TFEB: variants seen among roughly 807,000 people sequenced by gnomAD.
The protein encoded by TFEB is T-cell transcription factor EB.
In TFEB, 12 loss-of-function variants were observed where a neutral mutation model predicts 48.0. The ratio of observed to expected loss-of-function variants is 0.25; its 90% confidence interval spans 0.16 to 0.40. The LOEUF is 0.40. TFEB is among the 10% of genes least tolerant of loss of function. The probability of loss-of-function intolerance (pLI) is 1.00; values close to 1 mark genes in which losing one functional copy is unlikely to be tolerated. For missense variants in TFEB, 509 were observed against 640.3 expected (o/e 0.79, Z 2.21); for synonymous variants, 244 against 261.4 (o/e 0.93, Z 0.64).
At position 41,690,776 on chromosome 6, in the gene TFEB, G is replaced by C; in HGVS notation, c.355C>G (p.Pro119Ala). The change falls in exon 3 of 9, where the codon CCA becomes GCA. Residue 119 changes from proline to alanine, a missense_variant. Coordinates refer to ENST00000373033, the MANE Select transcript of TFEB (RefSeq NM_001271944.2). ...GCTCGCACCCCTGGGGAGGCGGCTG[G>C]TGGGGGTTTCGGAGAGCCCTGGGCT... ...SPAQGSPKPP[P>A]AASPGVRAGH... 6.2e-7 allele frequency: 1 copy of C among 1,611,626 alleles called. No homozygotes were observed. Among genetic ancestry groups the C allele is most frequent in the South Asian group, 1.1e-5 (1 of 90,934 alleles).
chr6:41,687,836 G>A (rs369646518), intron 5 of TFEB, 27 bp from the exon 6 acceptor site: 28 of 1,612,172 alleles, frequency 1.7e-5, no homozygotes, highest in Non-Finnish European at 2.2e-5. Context: ...AAGGAGAGAG[G>A]AGCTGGGAGG....
At chr6:41,714,472 A>C (rs1337877261) in intron 1 of TFEB, among the ~76,000 whole-genome samples, 1 of 152,220 alleles carries the variant, frequency 6.6e-6, no homozygotes, top group East Asian at 1.9e-4. Flanking sequence ...GATGGGGAAG[A>C]GGGAGCAGGG....
intron 4 of TFEB, 52 bp from the exon 5 acceptor site, chr6:41,688,080 A>G: frequency 1.3e-6 from 2 of 1,572,268 alleles, no homozygotes; most frequent in Non-Finnish European, 1.7e-6. Context: ...CTCCACGGGG[A>G]GCCCCCTCTA....
At position 41,697,408 on chromosome 6, in the gene TFEB, C is replaced by CAAAAAAAAAAAAAAAAAAAAAAAA. The variant is rs56059829; in HGVS notation, c.-22-6174_-22-6173insTTTTTTTTTTTTTTTTTTTTTTTT. On this transcript the variant is annotated intron_variant, in intron 1 of 8. Coordinates refer to ENST00000373033, the MANE Select transcript of TFEB (RefSeq NM_001271944.2). ...GGGCAACAAGAGTGAAACTCCATCT[C>CAAAAAAAAAAAAAAAAAAAAAAAA]AAAAAAAAAAAAAAAAAAAGAATGA... Among the ~76,000 whole-genome samples the CAAAAAAAAAAAAAAAAAAAAAAAA allele has an allele frequency of 2.5e-4, 16 of 63,496 alleles. 1 individual carries two copies. Among genetic ancestry groups the CAAAAAAAAAAAAAAAAAAAAAAAA allele is most frequent in the African/African-American group, 1.2e-3 (14 of 11,530 alleles). The allele number at this position is 63,496 out of a possible 152,430, so 41.7% of individuals were successfully genotyped here.
rs928016379 is a variant in TFEB, at chr6:41,697,508, C to CA, written c.-22-6274_-22-6273insT. 1.3e-3 allele frequency among the ~76,000 whole-genome samples: 193 copies of CA among 150,902 alleles called. 2 individuals are homozygous for CA. Among genetic ancestry groups the CA allele is most frequent in the Non-Finnish European group, 1.9e-3 (131 of 67,802 alleles). On this transcript the variant is annotated intron_variant, in intron 1 of 8. Transcript: ENST00000373033. The stretch of plus-strand genomic sequence containing the variant: ...CAACACCACCCCTTCTCCAAACCCC[C>CA]CCCCTTCCCCAAGTGTGTCTATGAC...
At chr6:41,686,653 C>A (rs983491103) in intron 7 of TFEB, 32 of 243,864 alleles carry the variant, frequency 1.3e-4, no homozygotes, top group Non-Finnish European at 1.5e-4. Flanking sequence ...GTAGCTGGCA[C>A]TGTAGGCACA....
chr6:41,695,560 G>T (rs560052924), intron 1 of TFEB, among the ~76,000 whole-genome samples: 38 of 152,224 alleles, frequency 2.5e-4, no homozygotes, highest in African/African-American at 7.2e-4. Flanking sequence ...CTCACTCAAG[G>T]TTACACAGCT....
intron 1 of TFEB, among the ~76,000 whole-genome samples, chr6:41,731,227 C>T (rs1003328775): frequency 6.6e-6 from 1 of 152,142 alleles, no homozygotes; most frequent in African/African-American, 2.4e-5. Context: ...AACTGAGGCA[C>T]AGTGGGGTTA....
At chr6:41,699,215 G>C (rs1769766660) in intron 1 of TFEB, among the ~76,000 whole-genome samples, 1 of 152,258 alleles carries the variant, frequency 6.6e-6, no homozygotes, top group South Asian at 2.1e-4. Context: ...GGCTGGGTGT[G>C]TAAGTTGTCT....
chr6:41,689,468 C>A (rs11759687), intron 4 of TFEB, among the ~76,000 whole-genome samples: 14 of 152,360 alleles, frequency 9.2e-5, no homozygotes, highest in East Asian at 3.9e-4. Flanking sequence ...AAGCTCCCCC[C>A]ACAGGCCCAC....
intron 1 of TFEB, among the ~76,000 whole-genome samples, chr6:41,707,517 GC>G (rs1323999665): frequency 1.3e-5 from 2 of 152,182 alleles, no homozygotes; most frequent in Non-Finnish European, 2.9e-5. Flanking sequence ...GCCAGGCCCA[GC>G]CCCTGCCCCA....
Position 41,735,462 on chromosome 6 carries a change from C to G in TFEB, c.-135G>C, listed in dbSNP as rs1771642187. 1.0e-6 allele frequency: 1 copy of G among 984,638 alleles called. No individual in the cohort carries two copies. The highest frequency in any genetic ancestry group is 1.7e-5 in the African/African-American group (1 of 57,152). The allele number at this position is 984,638 out of a possible 1,614,324, so 61.0% of individuals were successfully genotyped here. A position where few individuals can be genotyped will look rare whatever the true frequency, so the allele number is the denominator to read the frequency against. On this transcript the variant is annotated 5_prime_UTR_variant, in exon 1 of 9. Coordinates refer to ENST00000373033, the MANE Select transcript of TFEB (RefSeq NM_001271944.2). The stretch of plus-strand genomic sequence containing the variant: ...GCCCGCCACCTGCTCCCGGCCTGCT[C>G]CGGCCCCGTGCCACCAGGGAGGCCC...
intron 1 of TFEB, among the ~76,000 whole-genome samples, chr6:41,717,416 A>G (rs114299055): frequency 2.3e-3 from 347 of 152,342 alleles, no homozygotes; most frequent in African/African-American, 7.8e-3. Flanking sequence ...ATTGAAAATT[A>G]GTAGAGCACG....
chr6:41,715,413 T>A (rs1334818156), intron 1 of TFEB, among the ~76,000 whole-genome samples: 1 of 152,158 alleles, frequency 6.6e-6, no homozygotes, highest in East Asian at 1.9e-4. Flanking sequence ...CTGACACCTG[T>A]CATCCTAGCA....
At chr6:41,732,240 CCT>C (rs1771483530) in intron 1 of TFEB, among the ~76,000 whole-genome samples, 1 of 152,040 alleles carries the variant, frequency 6.6e-6, no homozygotes, top group South Asian at 2.1e-4. Flanking sequence ...CTGGGAAACC[CCT>C]TGAAGAAGTG....
chr6:41,732,512 T>C (rs1444617053), intron 1 of TFEB: 12 of 908,134 alleles, frequency 1.3e-5, no homozygotes, highest in Non-Finnish European at 1.3e-5. Flanking sequence ...TATAATCTTG[T>C]TTTATTGTTA....
Position 41,735,376 on chromosome 6 carries a change from C to G in TFEB, c.-49G>C. ...TCGCTCTGAAGGTCAATCTGTCCGC[C>G]GCCCGCGCCCCGCGGCTCCGGCAAC... On this transcript the variant is annotated 5_prime_UTR_variant, in exon 1 of 9. Coordinates refer to ENST00000373033, the MANE Select transcript of TFEB (RefSeq NM_001271944.2). 1 of 985,698 alleles carries G rather than the reference C, an allele frequency of 1.0e-6. No individual in the cohort carries two copies. The highest frequency in any genetic ancestry group is 1.2e-6 in the Non-Finnish European group (1 of 830,426). 61.1% of individuals were successfully genotyped at this position (985,698 alleles called of 1,614,324 possible). A position where few individuals can be genotyped will look rare whatever the true frequency, so the allele number is the denominator to read the frequency against.
chr6:41,696,369 C>T (rs1769583052), intron 1 of TFEB, among the ~76,000 whole-genome samples: 1 of 152,110 alleles, frequency 6.6e-6, no homozygotes, highest in African/African-American at 2.4e-5. Flanking sequence ...AACTGGAAAC[C>T]ACCCAAATGT....
At chr6:41,694,585 A>G (rs1477511449) in intron 1 of TFEB, among the ~76,000 whole-genome samples, 1 of 151,952 alleles carries the variant, frequency 6.6e-6, no homozygotes, top group African/African-American at 2.4e-5. Flanking sequence ...AGGACATGCT[A>G]ATCCCCCCAT....
Sources: allele counts gnomAD v4.1 joint callset (sites outside exome capture counted in the v4.1 genomes callset), GRCh38; gene constraint gnomAD v4.1.1; transcripts MANE v1.5; gene names NCBI Gene and HGNC (gene_info 2026-07-23, HGNC 2026-07-21).